Variants in IL1R1 observed in about 807,000 individuals in gnomAD.
The protein encoded by IL1R1 is interleukin 1 receptor type 1, also known as interleukin-1 receptor type 1.
A neutral mutation model predicts 50.2 loss-of-function variants in IL1R1; 22 were observed. That is an observed-to-expected ratio of 0.44 (90% CI 0.31 to 0.63). The LOEUF (loss-of-function observed/expected upper bound fraction) is 0.63, where lower values mean the gene tolerates loss of function less well. Ranked by LOEUF, IL1R1 falls within the 20% of genes least tolerant of loss-of-function variation. The probability of loss-of-function intolerance (pLI) is 0.07; values close to 1 mark genes in which losing one functional copy is unlikely to be tolerated. For missense variants in IL1R1, 509 were observed against 676.2 expected, an observed-to-expected ratio of 0.75 and a Z score of 2.74; for synonymous variants, 251 against 236.7, an observed-to-expected ratio of 1.06 and a Z score of -0.55.
At chr2:102,167,991 T>C (rs547983424) in intron 6 of IL1R1, among the ~76,000 whole-genome samples, 1 of 151,556 alleles carries the variant, frequency 6.6e-6, no homozygotes, top group Non-Finnish European at 1.5e-5. Flanking sequence ...TGGTGTTCAC[T>C]TTTTTTTTGA....
At chr2:102,085,552 G>T (rs998085961) in intron 1 of IL1R1, among the ~76,000 whole-genome samples, 1 of 151,812 alleles carries the variant, frequency 6.6e-6, no homozygotes, top group African/African-American at 2.4e-5. Flanking sequence ...TCTTTTTCTG[G>T]ACTATTCATT....
In IL1R1 at chr2:102,165,266, A is replaced by C; in HGVS notation, c.448A>C (p.Asn150His). 1.3e-6 allele frequency: 2 copies of C among 1,580,396 alleles called. No homozygotes were observed. Among genetic ancestry groups the C allele is most frequent in the Non-Finnish European group, 1.7e-6 (2 of 1,169,690 alleles). ...GTGCCCTTATATGGAGTTTTTTAAA[A>C]ATGAAAATAATGAGTTACCTAAATT... is the stretch of plus-strand genomic sequence containing the variant. ...LVCPYMEFFK[N>H]ENNELPKLQW... The change falls in exon 5 of 12, where the codon AAT (asparagine) becomes CAT (histidine). Residue 150 changes from asparagine to histidine, a missense_variant. Asn to His is a moderately conservative substitution (Grantham distance 68). Transcript: ENST00000410023.
At chr2:102,174,200 T>G (rs1245657090) in intron 9 of IL1R1, among the ~76,000 whole-genome samples, 1 of 152,118 alleles carries the variant, frequency 6.6e-6, no homozygotes, top group Non-Finnish European at 1.5e-5. Flanking sequence ...TCCCTAAGCC[T>G]CCACCTTATT....
intron 1 of IL1R1, among the ~76,000 whole-genome samples, chr2:102,084,289 C>T (rs1679344816): frequency 1.3e-5 from 2 of 152,162 alleles, no homozygotes; most frequent in African/African-American, 2.4e-5. Flanking sequence ...GGCATTTGTT[C>T]TAAACATGGA....
intron 1 of IL1R1, among the ~76,000 whole-genome samples, chr2:102,085,581 T>C (rs1344115060): frequency 6.6e-6 from 1 of 152,068 alleles, no homozygotes; most frequent in Non-Finnish European, 1.5e-5. Context: ...TTGGCCAGTT[T>C]GTATAAATTT....
intron 1 of IL1R1, among the ~76,000 whole-genome samples, chr2:102,120,634 G>A (rs142079358): frequency 6.1e-4 from 93 of 152,334 alleles, no homozygotes; most frequent in African/African-American, 2.1e-3. Flanking sequence ...TGGGAAACAG[G>A]TATTGTATAA....
intron 1 of IL1R1, among the ~76,000 whole-genome samples, chr2:102,131,798 C>T (rs1682048355): frequency 6.6e-6 from 1 of 151,950 alleles, no homozygotes; most frequent in Admixed American, 6.5e-5. Context: ...GAAATAATGG[C>T]CAGGAGTTCT....
At chr2:102,133,395 A>G (rs933733441) in intron 1 of IL1R1, among the ~76,000 whole-genome samples, 1 of 152,226 alleles carries the variant, frequency 6.6e-6, no homozygotes, top group African/African-American at 2.4e-5. Flanking sequence ...TTCTCAACTC[A>G]TGAGTTCTCC....
At chr2:102,120,451 T>G (rs1164288314) in intron 1 of IL1R1, among the ~76,000 whole-genome samples, 1 of 152,186 alleles carries the variant, frequency 6.6e-6, no homozygotes, top group Non-Finnish European at 1.5e-5. Flanking sequence ...AGGTGCTTAG[T>G]AAACATTTGT....
Position 102,172,721 on chromosome 2 carries a change from C to T in IL1R1, c.874C>T (p.Leu292Phe), listed in dbSNP as rs1394277873. ...ENPANKRRST[L>F]ITVLNISEIE... ...TCCTGCAAACAAAAGAAGGAGTACC[C>T]TCATCACAGTGCTTAATATATCGGA... The change falls in exon 9 of 12, where the codon CTC (leucine) becomes TTC (phenylalanine). Residue 292 changes from leucine to phenylalanine, a missense_variant. Transcript: ENST00000410023. 6.2e-7 allele frequency: 1 copy of T among 1,611,406 alleles called. No individual in the cohort carries two copies. The highest frequency in any genetic ancestry group is 1.3e-5 in the African/African-American group (1 of 74,804).
At chr2:102,132,553 C>A (rs1682096733) in intron 1 of IL1R1, among the ~76,000 whole-genome samples, 1 of 151,948 alleles carries the variant, frequency 6.6e-6, no homozygotes. Context: ...AATTACACAC[C>A]AAACAAGCAA....
At chr2:102,160,748 C>T (rs1388958729) in intron 3 of IL1R1, among the ~76,000 whole-genome samples, 2 of 152,178 alleles carry the variant, frequency 1.3e-5, no homozygotes, top group Non-Finnish European at 2.9e-5. Context: ...TTTATGCTGC[C>T]CTGCCTTGCC....
chr2:102,161,122 A>C (rs962010001), intron 3 of IL1R1, among the ~76,000 whole-genome samples: 1 of 152,172 alleles, frequency 6.6e-6, no homozygotes, highest in Non-Finnish European at 1.5e-5. Flanking sequence ...GAATGCCATA[A>C]GTTTTGATAT....
At chr2:102,113,834 G>T (rs1001145451) in intron 1 of IL1R1, among the ~76,000 whole-genome samples, 1 of 152,156 alleles carries the variant, frequency 6.6e-6, no homozygotes, top group African/African-American at 2.4e-5. Context: ...CCTTACACAG[G>T]CTTTATGATT....
At chr2:102,096,188 T>C (rs1418557705) in intron 1 of IL1R1, among the ~76,000 whole-genome samples, 1 of 152,196 alleles carries the variant, frequency 6.6e-6, no homozygotes, top group East Asian at 1.9e-4. Context: ...TTGGGGACTT[T>C]TACAGGATTT....
intron 1 of IL1R1, among the ~76,000 whole-genome samples, chr2:102,119,709 A>G (rs953742524): frequency 2.1e-5 from 3 of 145,886 alleles, no homozygotes; most frequent in African/African-American, 7.5e-5. Flanking sequence ...GGTATACAAC[A>G]TGAGGATTTG....
chr2:102,106,534 A>C (rs981778540), intron 1 of IL1R1, among the ~76,000 whole-genome samples: 2 of 152,208 alleles, frequency 1.3e-5, no homozygotes, highest in African/African-American at 4.8e-5. Context: ...TAGCGAGGGT[A>C]TACTTCTAAA....
At chr2:102,161,230 T>C (rs1684700394) in intron 3 of IL1R1, among the ~76,000 whole-genome samples, 1 of 152,168 alleles carries the variant, frequency 6.6e-6, no homozygotes. Flanking sequence ...TTCAAATATA[T>C]AGGGATTCCT....
At chr2:102,115,250 C>A (rs918538292) in intron 1 of IL1R1, among the ~76,000 whole-genome samples, 1 of 152,074 alleles carries the variant, frequency 6.6e-6, no homozygotes, top group African/African-American at 2.4e-5. Flanking sequence ...AGTAAATTAC[C>A]CAAGTAAACA....
Sources: gnomAD v4.1 joint callset for allele counts (sites outside exome capture counted in the v4.1 genomes callset) on GRCh38, gnomAD v4.1.1 for gene constraint, MANE v1.5 for transcripts, NCBI Gene and HGNC (gene_info 2026-07-23, HGNC 2026-07-21) for gene names.